The following ABTB2 variants were observed in gnomAD, a reference collection of about 807,000 sequenced individuals.
ABTB2 encodes ankyrin repeat and BTB/POZ domain-containing protein 2.
A neutral mutation model predicts 104.1 loss-of-function variants in ABTB2; 56 were observed. The ratio of observed to expected loss-of-function variants is 0.54; its 90% CI spans 0.43 to 0.67. The LOEUF is 0.67. Among genes scored for constraint, ABTB2 ranks in the 30% least tolerant of loss-of-function variants. ABTB2 has a pLI of 0.00. For missense variants in ABTB2, 1,279 were observed against 1,407.7 expected, an observed-to-expected ratio of 0.91 and a Z score of 1.46; for synonymous variants, 606 against 608.2, an observed-to-expected ratio of 1.00 and a Z score of 0.05.
chr11:34,214,467 G>T (rs1853524574), intron 1 of ABTB2, among the ~76,000 whole-genome samples: 1 of 151,502 alleles, frequency 6.6e-6, no homozygotes, highest in Non-Finnish European at 1.5e-5. Context: ...TTGAATTATG[G>T]TATAACATTT....
chr11:34,260,357 A>G (rs1854173879), intron 1 of ABTB2, among the ~76,000 whole-genome samples: 1 of 152,216 alleles, frequency 6.6e-6, no homozygotes, highest in Non-Finnish European at 1.5e-5. Context: ...CCTAGCTGAT[A>G]AAGTACCTGC....
At chr11:34,180,718 C>T (rs1299395985) in intron 3 of ABTB2, among the ~76,000 whole-genome samples, 1 of 152,236 alleles carries the variant, frequency 6.6e-6, no homozygotes, top group Non-Finnish European at 1.5e-5. Flanking sequence ...ACGGCCAATT[C>T]AGCTGCAATA....
Position 34,159,900 on chromosome 11 carries a change from G to A in ABTB2, c.2606+6C>T, listed in dbSNP as rs1852684832. ...GGCTGGGAGTTTGTTATCTGAGGCT[G>A]CCTACCTGTTAGAAGCTGTCACCAG... On this transcript the variant is annotated splice_donor_region_variant and intron_variant, in intron 13 of 16. Coordinates refer to ENST00000435224, the MANE Select transcript of ABTB2 (RefSeq NM_145804.3). 2.5e-6 allele frequency: 4 copies of A among 1,608,620 alleles called. No homozygotes were observed. Among genetic ancestry groups the A allele is most frequent in the Non-Finnish European group, 3.4e-6 (4 of 1,175,300 alleles).
intron 1 of ABTB2, among the ~76,000 whole-genome samples, chr11:34,321,550 A>T (rs940784973): frequency 1.3e-5 from 2 of 152,262 alleles, no homozygotes; most frequent in Non-Finnish European, 2.9e-5. Flanking sequence ...AAAGTGGCTT[A>T]AACAGCCAGG....
intron 3 of ABTB2, among the ~76,000 whole-genome samples, chr11:34,196,365 A>G (rs1293947381): frequency 1.3e-5 from 2 of 152,146 alleles, no homozygotes; most frequent in Non-Finnish European, 2.9e-5. Flanking sequence ...CATCCTTGCT[A>G]ACACAGTGCA....
At chr11:34,233,994 T>C (rs1983754) in intron 1 of ABTB2, among the ~76,000 whole-genome samples, 143,835 of 152,282 alleles carry the variant, frequency 0.94, 68,151 homozygotes, top group East Asian at 1. Flanking sequence ...CATCGCTCCC[T>C]CAAATTTGAA....
At chr11:34,278,379 T>C (rs1426736189) in intron 1 of ABTB2, among the ~76,000 whole-genome samples, 1 of 152,180 alleles carries the variant, frequency 6.6e-6, no homozygotes, top group Non-Finnish European at 1.5e-5. Context: ...GGGCCTTGAA[T>C]ATGCAAATTG....
At chr11:34,244,594 C>G (rs1853961618) in intron 1 of ABTB2, among the ~76,000 whole-genome samples, 1 of 152,202 alleles carries the variant, frequency 6.6e-6, no homozygotes. Context: ...TGAATAAGAG[C>G]TGGGCTTAGA....
chr11:34,200,316 C>T (rs999401516), intron 2 of ABTB2, among the ~76,000 whole-genome samples: 1 of 152,114 alleles, frequency 6.6e-6, no homozygotes, highest in Non-Finnish European at 1.5e-5. Context: ...GTGGAGAACC[C>T]TTTGGCAGCA....
intron 1 of ABTB2, among the ~76,000 whole-genome samples, chr11:34,213,692 T>C (rs1853513929): frequency 3.3e-5 from 5 of 152,180 alleles, no homozygotes; most frequent in Admixed American, 2.0e-4. Flanking sequence ...CTTAATAAAA[T>C]GCCATCTGCT....
At chr11:34,204,165 T>C (rs1853377547) in intron 2 of ABTB2, among the ~76,000 whole-genome samples, 1 of 151,946 alleles carries the variant, frequency 6.6e-6, no homozygotes, top group East Asian at 1.9e-4. Context: ...AGAGCACCAG[T>C]TGTGAATTCA....
chr11:34,203,662 C>T (rs1290867834), intron 2 of ABTB2, among the ~76,000 whole-genome samples: 1 of 152,178 alleles, frequency 6.6e-6, no homozygotes, highest in Non-Finnish European at 1.5e-5. Context: ...GAACCAGGCA[C>T]CTTCATTTCC....
chr11:34,170,919 GTGTTAACC>G lies in ABTB2; in HGVS notation c.1542_1549del (p.Val515HisfsTer3). 1 of 1,614,092 alleles carries G rather than the reference GTGTTAACC, an allele frequency of 6.2e-7. No individual in the cohort carries two copies. Among genetic ancestry groups the G allele is most frequent in the Non-Finnish European group, 8.5e-7 (1 of 1,179,998 alleles). On this transcript the variant is annotated frameshift_variant, in exon 5 of 17. Transcript: ENST00000435224. LOFTEE classifies it high-confidence loss of function. Reference sequence around the variant, plus strand: ...CTCAGGACGTACCTGGTCATCCATGGTGTTAACCCCATCCGGACCCAAGGCCTCGATGG... The same window carrying G: ...CTCAGGACGTACCTGGTCATCCATGGCCATCCGGACCCAAGGCCTCGATGG...
At chr11:34,186,844 G>C (rs1853106844) in intron 3 of ABTB2, among the ~76,000 whole-genome samples, 1 of 152,220 alleles carries the variant, frequency 6.6e-6, no homozygotes, top group Non-Finnish European at 1.5e-5. Context: ...TGCTGAGAAA[G>C]AGGCCCCAAG....
At chr11:34,273,748 A>G (rs971269048) in intron 1 of ABTB2, among the ~76,000 whole-genome samples, 2 of 152,178 alleles carry the variant, frequency 1.3e-5, no homozygotes, top group African/African-American at 4.8e-5. Context: ...GCAACGATCT[A>G]GAAAAGTGAA....
rs74525197 is a variant in ABTB2 at position 34,243,589 on chromosome 11, T to C, written c.884-38899A>G. Among the ~76,000 whole-genome samples, 1,410 of 152,294 alleles carry C rather than the reference T, an allele frequency of 9.3e-3. 31 individuals are homozygous for C. Among genetic ancestry groups the C allele is most frequent in the African/African-American group, 0.031 (1,283 of 41,566 alleles). The stretch of plus-strand genomic sequence containing the variant: ...GATCCGCAAGGATAATCCTAGAAAA[T>C]ATGTCCTAGTCTTACGCGATTTTAC... On this transcript the variant is annotated intron_variant, in intron 1 of 16. Transcript: ENST00000435224.
rs1036927288 is a variant in ABTB2 at position 34,241,977 on chromosome 11, C to A, written c.884-37287G>T. Among the ~76,000 whole-genome samples the A allele has an allele frequency of 4.9e-4, 74 of 152,192 alleles. 1 individual carries two copies. The highest frequency in any genetic ancestry group is 1.5e-3 in the Admixed American group (23 of 15,278). On this transcript the variant is annotated intron_variant, in intron 1 of 16. Coordinates refer to ENST00000435224, the MANE Select transcript of ABTB2 (RefSeq NM_145804.3). ...TCCACACATTGATTGAGCCTCCTGG[C>A]CCCTTGTTTGCTTCAACAAATGAAA...
chr11:34,354,577 T>C (rs904575849), intron 1 of ABTB2, among the ~76,000 whole-genome samples: 5 of 152,022 alleles, frequency 3.3e-5, no homozygotes, highest in Non-Finnish European at 7.4e-5. Flanking sequence ...TAAGAAATAG[T>C]TCTTTGGTTG....
Position 34,242,934 on chromosome 11 carries a change from C to A in ABTB2, c.884-38244G>T, listed in dbSNP as rs955193318. ...GGGAGGTAACCTAATGAGGACTTCA[C>A]CTCAGGCCGGGCCTGAGGTAAACCA... On this transcript the variant is annotated intron_variant, in intron 1 of 16. Transcript: ENST00000435224. Among the ~76,000 whole-genome samples, 9 of 152,126 alleles carry A rather than the reference C, an allele frequency of 5.9e-5. No homozygotes were observed. The East Asian group carries it at 1.7e-3, about 29-fold the overall frequency.
Sources: gnomAD v4.1 joint callset for allele counts (sites outside exome capture counted in the v4.1 genomes callset) on GRCh38, gnomAD v4.1.1 for gene constraint, MANE v1.5 for transcripts, NCBI Gene and HGNC (gene_info 2026-07-23, HGNC 2026-07-21) for gene names.